RAD50: variants seen among roughly 807,000 people sequenced by gnomAD.
The protein encoded by RAD50 is RAD50 double strand break repair protein.
A neutral mutation model predicts 168.8 loss-of-function variants in RAD50; 132 were observed. The ratio of observed to expected loss-of-function variants is 0.78; its 90% CI spans 0.68 to 0.90. RAD50 has a LOEUF of 0.90. Ranked by LOEUF, RAD50 falls within the 40% of genes least tolerant of loss-of-function variation. The pLI, the probability that RAD50 is intolerant of heterozygous loss-of-function variation, is 0.00. For synonymous variants in RAD50, 525 were observed against 497.4 expected, an observed-to-expected ratio of 1.06 and a Z score of -0.74; for missense variants, 1,347 against 1,534.4, an observed-to-expected ratio of 0.88 and a Z score of 2.04.
At chr5:132,570,510 C>T (rs1561632473) in intron 2 of RAD50, among the ~76,000 whole-genome samples, 1 of 152,260 alleles carries the variant, frequency 6.6e-6, no homozygotes, top group Non-Finnish European at 1.5e-5. Context: ...TGCTGCTTCA[C>T]CTCGCACTTT....
At chr5:132,611,271 A>G (rs911842138) in intron 19 of RAD50, among the ~76,000 whole-genome samples, 1 of 152,030 alleles carries the variant, frequency 6.6e-6, no homozygotes, top group Non-Finnish European at 1.5e-5. Context: ...CGCGCCTGTA[A>G]TCCCAGGTAC....
chr5:132,641,623 CA>C (rs1165035949), intron 24 of RAD50: 1 of 156,896 alleles, frequency 6.4e-6, no homozygotes, highest in African/African-American at 2.4e-5. Flanking sequence ...GTTACCTCAG[CA>C]AAATGTTCCC....
At chr5:132,639,245 C>T (rs890497098) in intron 23 of RAD50, among the ~76,000 whole-genome samples, 5 of 150,698 alleles carry the variant, frequency 3.3e-5, no homozygotes, top group African/African-American at 4.9e-5. Flanking sequence ...CCCAGCTACT[C>T]GGGAGGCTGA....
chr5:132,620,437 A>G lies in RAD50; in HGVS notation c.3389+2143A>G, dbSNP rs146324809. ...TTCTACTTAATTCATCACTTTGTCT[A>G]TCTCTGTGCCATTTCTCTCACCATC... On this transcript the variant is annotated intron_variant, in intron 21 of 24. Transcript: ENST00000378823. Among the ~76,000 whole-genome samples the G allele has an allele frequency of 3.3e-3, 497 of 152,178 alleles. 4 individuals carry two copies. Among genetic ancestry groups the G allele is most frequent in the African/African-American group, 0.012 (479 of 41,516 alleles).
intron 5 of RAD50, among the ~76,000 whole-genome samples, chr5:132,581,700 G>T (rs549960752): frequency 4.6e-5 from 7 of 152,108 alleles, no homozygotes; most frequent in African/African-American, 1.7e-4. Context: ...TATAAAAGGA[G>T]TAAATGACCA....
chr5:132,591,072 A>G (rs1750688488), intron 9 of RAD50, 152 bp from the exon 10 acceptor site: 1 of 741,114 alleles, frequency 1.3e-6, no homozygotes, highest in Non-Finnish European at 2.3e-6. Context: ...CTTAGAGCAT[A>G]TATAGTGCCT....
chr5:132,560,690 A>G (rs1437028237), intron 2 of RAD50, among the ~76,000 whole-genome samples: 3 of 152,188 alleles, frequency 2.0e-5, no homozygotes, highest in East Asian at 1.9e-4. Flanking sequence ...GCTAGATCTC[A>G]TTGATCCCTC....
At chr5:132,579,772 A>G in intron 4 of RAD50, 90 bp from the exon 5 acceptor site, 2 of 1,146,566 alleles carry the variant, frequency 1.7e-6, no homozygotes, top group South Asian at 1.3e-5. Context: ...TTGTAACTGT[A>G]ATCTTAGTGA....
chr5:132,609,244 A>G, intron 18 of RAD50, 35 bp downstream of exon 18: 3 of 1,607,130 alleles, frequency 1.9e-6, no homozygotes, highest in Non-Finnish European at 2.5e-6. Flanking sequence ...ATTTGATTGT[A>G]TTTTTATTCA....
intron 11 of RAD50, among the ~76,000 whole-genome samples, chr5:132,593,837 A>C (rs1750744088): frequency 6.6e-6 from 1 of 152,230 alleles, no homozygotes; most frequent in Admixed American, 6.5e-5. Flanking sequence ...AAACATTTAA[A>C]ATGTTAGCAG....
intron 13 of RAD50, among the ~76,000 whole-genome samples, chr5:132,603,098 G>GC (rs1277530992): frequency 6.6e-6 from 1 of 152,082 alleles, no homozygotes; most frequent in Admixed American, 6.6e-5. Context: ...GAGAAACCTG[G>GC]CCAACACCAT....
rs577226033 is a variant in RAD50, at chr5:132,572,435, ATAAAG to A, written c.214-3337_214-3333del. Among the ~76,000 whole-genome samples the A allele has an allele frequency of 2.5e-3, 379 of 152,322 alleles. 2 individuals are homozygous for A. The highest frequency in any genetic ancestry group is 8.8e-3 in the African/African-American group (364 of 41,568). ...GAGGACAATAACCAAAAAACCCTAA[ATAAAG>A]TAAAAGGAATAACAGTGTTTTTATA... is the stretch of plus-strand genomic sequence containing the variant. On this transcript the variant is annotated intron_variant, in intron 2 of 24. Coordinates refer to ENST00000378823, the MANE Select transcript of RAD50 (RefSeq NM_005732.4).
intron 2 of RAD50, among the ~76,000 whole-genome samples, chr5:132,568,400 TGATA>T (rs1475836267): frequency 6.6e-6 from 1 of 151,934 alleles, no homozygotes; most frequent in Non-Finnish European, 1.5e-5. Context: ...TTTAAAGCTA[TGATA>T]GATAAGCTCA....
rs1379354341 is a variant in RAD50 at position 132,578,703 on chromosome 5, A to G, written c.366-614A>G. Among the ~76,000 whole-genome samples the G allele has an allele frequency of 3.3e-5, 5 of 150,932 alleles. No individual in the cohort carries two copies. In the South Asian group the frequency reaches 8.4e-4, roughly 25 times the overall value. ...CACCACACCTGGCTAATTTTTTTGTATTTTTAATAGAGACAGGGTTTCACC... is the reference window on the plus strand; with the variant it reads ...CACCACACCTGGCTAATTTTTTTGTGTTTTTAATAGAGACAGGGTTTCACC... On this transcript the variant is annotated intron_variant, in intron 3 of 24. Transcript: ENST00000378823.
chr5:132,558,332 G>A (rs962470852), intron 1 of RAD50, among the ~76,000 whole-genome samples: 1 of 152,050 alleles, frequency 6.6e-6, no homozygotes, highest in African/African-American at 2.4e-5. Flanking sequence ...CAGCTTTTTC[G>A]CTTCATTTAT....
intron 3 of RAD50, among the ~76,000 whole-genome samples, chr5:132,578,386 A>G (rs945207209): frequency 6.6e-6 from 1 of 152,092 alleles, no homozygotes; most frequent in Non-Finnish European, 1.5e-5. Context: ...TTCCATCTCT[A>G]CAACCACCAT....
chr5:132,595,776 C>T lies in RAD50; in HGVS notation c.2173C>T (p.Arg725Trp), dbSNP rs369560280. The change falls in exon 13 of 25, where the codon CGG becomes TGG. Residue 725 changes from arginine to tryptophan, a missense_variant. This residue lies in a region of RAD50 where 635 missense variants were observed against 739.2 expected (regional missense o/e 0.86). Transcript: ENST00000378823. ...TESELKKKEKRRDEMLGLVPM... is the reference protein window; with the variant it reads ...TESELKKKEKWRDEMLGLVPM... ...ATCAGAGCTAAAAAAAAAGGAAAAG[C>T]GGCGTGATGAAATGCTGGGACTTGT... 5.0e-5 allele frequency: 81 copies of T among 1,612,366 alleles called. No homozygotes were observed. The Admixed American group carries it at 1.1e-3, about 23-fold the overall frequency.
chr5:132,579,586 A>C lies in RAD50; in HGVS notation c.551+84A>C, dbSNP rs972504502. On this transcript the variant is annotated intron_variant, in intron 4 of 24. Transcript: ENST00000378823. The stretch of plus-strand genomic sequence containing the variant: ...TTGGATGCTTCTTTTTAACAGAAAA[A>C]ATTTAAAAAGCAGAAAGGTCATCAG... 2.8e-6 allele frequency: 4 copies of C among 1,436,840 alleles called. No homozygotes were observed. The African/African-American group carries it at 5.6e-5, about 20-fold the overall frequency. The allele number at this position is 1,436,840 out of a possible 1,614,324, so 89.0% of individuals were successfully genotyped here.
intron 21 of RAD50, among the ~76,000 whole-genome samples, chr5:132,632,581 C>G (rs1734730478): frequency 6.6e-6 from 1 of 152,034 alleles, no homozygotes; most frequent in Admixed American, 6.6e-5. Flanking sequence ...TGCATGATAT[C>G]TACTTTATTT....
Sources: allele counts gnomAD v4.1 joint callset (sites outside exome capture counted in the v4.1 genomes callset), GRCh38; gene constraint gnomAD v4.1.1; regional missense constraint gnomAD v4.1.1; transcripts MANE v1.5; gene names NCBI Gene and HGNC (gene_info 2026-07-23, HGNC 2026-07-21).